Variants in GREP1 observed in about 807,000 individuals in gnomAD.
The protein encoded by GREP1 is glycine rich extracellular protein 1, also known as glycine-rich extracellular protein 1.
Position 2,989,237 on chromosome 16 carries a change from A to G in GREP1, c.101-286A>G. The stretch of plus-strand genomic sequence containing the variant: ...GGCTCAGACACCTTCCTCCAGGCCC[A>G]GGGGCCCTCTAGCCTCCACTGCCCT... On this transcript the variant is annotated intron_variant, in intron 2 of 34. Transcript: ENST00000573315. The surrounding 1 kb of genome is among the most constrained non-coding windows in gnomAD (Gnocchi z 4.2). The G allele has an allele frequency of 2.7e-6, 1 of 371,224 alleles. No homozygotes were observed. Among genetic ancestry groups the G allele is most frequent in the Non-Finnish European group, 4.8e-6 (1 of 209,214 alleles). The allele number at this position is 371,224 out of a possible 1,614,324, so 23.0% of individuals were successfully genotyped here.
At position 2,991,316 on chromosome 16, in the gene GREP1, G is replaced by T; in HGVS notation, c.322+215G>T. On this transcript the variant is annotated intron_variant, in intron 8 of 34. Transcript: ENST00000573315. The surrounding 1 kb of genome is among the most constrained non-coding windows in gnomAD (Gnocchi z 4.9). ...CCGCCTTGCCCACTTATATCCAGGC[G>T]CCTCTGGGTCCCTCAAGCCTGCCCA... 2 of 388,730 alleles carry T rather than the reference G, an allele frequency of 5.1e-6. No individual in the cohort carries two copies. The highest frequency in any genetic ancestry group is 9.1e-6 in the Non-Finnish European group (2 of 220,416). 24.1% of individuals were successfully genotyped at this position (388,730 alleles called of 1,614,324 possible).
At position 2,997,410 on chromosome 16, in the gene GREP1, ACAG is replaced by A. The variant is rs1230326929; in HGVS notation, c.909_911del (p.Tyr303_Arg304delinsTer). The A allele has an allele frequency of 7.5e-6, 3 of 398,890 alleles. No individual in the cohort carries two copies. Among genetic ancestry groups the A allele is most frequent in the Non-Finnish European group, 8.8e-6 (2 of 226,306 alleles). The allele number at this position is 398,890 out of a possible 1,614,324, so 24.7% of individuals were successfully genotyped here. On this transcript the variant is annotated stop_gained and inframe_deletion, in exon 22 of 35. Transcript: ENST00000573315. LOFTEE classifies it high-confidence loss of function. ...ACAGGCCCCTTAGCCCAGAATGGCT[ACAG>A]AGCAGGTACTGGGGGGCTGGAGTTG...
At chr16:2,988,998 T>G in intron 2 of GREP1, 3 of 274,004 alleles carry the variant, frequency 1.1e-5, no homozygotes, top group Non-Finnish European at 1.4e-5. Context: ...GAAGAGTCTT[T>G]ACTTCAGGGA....
At chr16:3,001,283 G>A (rs1378673051) in exon 34 of GREP1, 7 of 398,996 alleles carry the variant, frequency 1.8e-5, no homozygotes, top group African/African-American at 1.4e-4. Context: ...TGCCACAGGG[G>A]GCCCCGACGT....
rs1451543078 is a variant in GREP1 at position 2,999,477 on chromosome 16, CTCTTT to C, written c.1189+179_1189+183del. Among the ~76,000 whole-genome samples, 5 of 135,400 alleles carry C rather than the reference CTCTTT, an allele frequency of 3.7e-5. No homozygotes were observed. In the Admixed American group the frequency reaches 3.9e-4, roughly 10 times the overall value. The allele number at this position is 135,400 out of a possible 152,430, so 88.8% of individuals were successfully genotyped here. On this transcript the variant is annotated intron_variant, in intron 27 of 34. Coordinates refer to ENST00000573315, the Ensembl canonical transcript of GREP1. ...GTCCCTCCCCGAGTCTACCCTCTTG[CTCTTT>C]TTTTTTTTTTTTTTTTTTTTTTGAG...
intron 10 of GREP1, chr16:2,993,522 C>G (rs2072409260): frequency 6.6e-6 from 1 of 151,916 alleles, no homozygotes; most frequent in African/African-American, 2.4e-5. Flanking sequence ...AAAAACCTAG[C>G]CAGTTGTGGT....
chr16:3,000,356 T>G lies in GREP1; in HGVS notation c.1327+2T>G. 2.5e-6 allele frequency: 1 copy of G among 399,218 alleles called. No individual in the cohort carries two copies. The highest frequency in any genetic ancestry group is 4.4e-6 in the Non-Finnish European group (1 of 226,210). The allele number at this position is 399,218 out of a possible 1,614,324, so 24.7% of individuals were successfully genotyped here. On this transcript the variant is annotated splice_donor_variant, in intron 30 of 34. Transcript: ENST00000573315. LOFTEE classifies it high-confidence loss of function. Reference sequence around the variant, plus strand: ...TCCCCGAGGCCCACCCACAGCCAGGTGCCTGGGGAGCAGGGGTCGGGGTGG... The same window carrying G: ...TCCCCGAGGCCCACCCACAGCCAGGGGCCTGGGGAGCAGGGGTCGGGGTGG...
chr16:2,995,142 C>T (rs771958447), intron 13 of GREP1, 142 bp from the exon 15 acceptor site: 12 of 397,674 alleles, frequency 3.0e-5, no homozygotes, highest in Non-Finnish European at 4.4e-5. Flanking sequence ...GCCCTCCCAC[C>T]CCGACAAGCC....
At position 2,997,293 on chromosome 16, in the gene GREP1, T is replaced by C. The variant is rs1359229428; in HGVS notation, c.887-96T>C. The C allele has an allele frequency of 3.8e-4, 153 of 398,512 alleles. 1 individual carries two copies. Among genetic ancestry groups the C allele is most frequent in the Non-Finnish European group, 3.1e-5 (7 of 226,042 alleles). The allele number at this position is 398,512 out of a possible 1,614,324, so 24.7% of individuals were successfully genotyped here. On this transcript the variant is annotated intron_variant, in intron 21 of 34. Coordinates refer to ENST00000573315, the Ensembl canonical transcript of GREP1. The stretch of plus-strand genomic sequence containing the variant: ...GGAGGAGAGGTGGCGCCAGGATCCC[T>C]GGTTTCTGACTTGGCTCTGAAAGGG...
rs569548514 is a variant in GREP1, at chr16:2,999,331, T to C, written c.1189+31T>C. 7.5e-5 allele frequency: 30 copies of C among 398,678 alleles called. 1 individual carries two copies. In the East Asian group the frequency reaches 8.9e-4, roughly 12 times the overall value. The allele number at this position is 398,678 out of a possible 1,614,324, so 24.7% of individuals were successfully genotyped here. On this transcript the variant is annotated intron_variant, in intron 27 of 34. Transcript: ENST00000573315. Reference sequence around the variant, plus strand: ...AGTCTGTCTGCCCCCAGGCCCCACATCCCAGAGGGACAAACTCTCAGCTAG... The same window carrying C: ...AGTCTGTCTGCCCCCAGGCCCCACACCCCAGAGGGACAAACTCTCAGCTAG...
intron 32 of GREP1, 71 bp from the exon 27 acceptor site, chr16:3,000,643 C>G: frequency 2.5e-6 from 1 of 398,880 alleles, no homozygotes; most frequent in African/African-American, 2.1e-5. Flanking sequence ...GGAGCAGAGC[C>G]AAGCCCAACA....
rs1295628860 is a variant in GREP1 at position 2,998,477 on chromosome 16, C to G, written c.983-17C>G. ...GCCCCCAGTGTTGCCACACTCATCT[C>G]TGCTTTCCCTCTCCAGGACACGGCC... On this transcript the variant is annotated splice_polypyrimidine_tract_variant and intron_variant, in intron 24 of 34. Transcript: ENST00000573315. 1 of 399,212 alleles carries G rather than the reference C, an allele frequency of 2.5e-6. No homozygotes were observed. The highest frequency in any genetic ancestry group is 4.4e-5 in the Admixed American group (1 of 22,720). The allele number at this position is 399,212 out of a possible 1,614,324, so 24.7% of individuals were successfully genotyped here.
intron 22 of GREP1, chr16:2,997,514 C>G (rs1019623433): frequency 2.5e-6 from 1 of 398,368 alleles, no homozygotes; most frequent in South Asian, 1.3e-4. Context: ...TTCTTGGGGG[C>G]TCCTGCAGCC....
intron 27 of GREP1, chr16:2,999,387 G>A (rs2072445937): frequency 2.5e-6 from 1 of 398,056 alleles, no homozygotes; most frequent in Non-Finnish European, 4.4e-6. Context: ...CCAGATCAGG[G>A]TCACCCCTCC....
At chr16:2,998,192 G>A (rs373446923) in intron 23 of GREP1, among the ~76,000 whole-genome samples, 164 bp from the exon 22 acceptor site, 2 of 151,970 alleles carry the variant, frequency 1.3e-5, no homozygotes, top group East Asian at 1.9e-4. Context: ...CTCCAACCCC[G>A]CCCTCATGCC....
At chr16:2,996,562 G>T in intron 19 of GREP1, 31 bp downstream of exon 18, 1 of 399,426 alleles carries the variant, frequency 2.5e-6, no homozygotes, top group Admixed American at 4.4e-5. Context: ...CTCGCGAGGG[G>T]TCGGGAGGTG....
At chr16:2,999,001 C>T (rs185647654) in intron 26 of GREP1, 22 bp downstream of exon 24, 92 of 399,088 alleles carry the variant, frequency 2.3e-4, no homozygotes, top group African/African-American at 1.8e-3. Context: ...GTGGGGGTGC[C>T]TAGGGGGCAC....
chr16:3,001,749 C>T, exon 35 of GREP1: 2 of 397,872 alleles, frequency 5.0e-6, no homozygotes, highest in Admixed American at 4.4e-5. Flanking sequence ...GTGGGAGTGG[C>T]ATGGGCCTGC....
intron 13 of GREP1, 57 bp downstream of exon 14, chr16:2,995,019 C>T (rs993576053): frequency 2.3e-5 from 9 of 398,840 alleles, no homozygotes; most frequent in African/African-American, 1.9e-4. Flanking sequence ...CTCTTCCTCC[C>T]AGGGGCGGGA....
Sources: gnomAD v4.1 joint callset for allele counts (sites outside exome capture counted in the v4.1 genomes callset) on GRCh38, gnomAD v4.1.1 for gene constraint, Gnocchi (gnomAD v3.1) non-coding constraint, MANE v1.5 for transcripts, NCBI Gene and HGNC (gene_info 2026-07-23, HGNC 2026-07-21) for gene names.